Variants in MALL observed in about 807,000 individuals in gnomAD.
MALL encodes mal, T cell differentiation protein like.
Under a neutral mutation model 10.3 loss-of-function variants are expected in MALL, and 2 were observed. That is an observed-to-expected ratio of 0.19 (90% confidence interval 0.08 to 0.61). The LOEUF is 0.61. MALL is among the 20% of genes least tolerant of loss of function. The pLI is 0.88. For synonymous variants in MALL, 27 were observed against 51.8 expected, an observed-to-expected ratio of 0.52 and a Z score of 2.05; for missense variants, 39 against 115.2, an observed-to-expected ratio of 0.34 and a Z score of 3.03.
chr2:110,105,908 C>G (rs539160561), intron 1 of MALL, among the ~76,000 whole-genome samples: 2 of 152,128 alleles, frequency 1.3e-5, no homozygotes, highest in Admixed American at 6.5e-5. Context: ...AGAGTAGAAG[C>G]AGCAGCAGGT....
intron 1 of MALL, among the ~76,000 whole-genome samples, chr2:110,097,095 C>CAAAACAAA (rs1553477284): frequency 7.2e-6 from 1 of 139,682 alleles, no homozygotes; most frequent in African/African-American, 2.7e-5. Flanking sequence ...CAAAACAAAA[C>CAAAACAAA]AAAAAAAAAA....
chr2:110,107,322 C>T (rs1366599791), intron 1 of MALL, among the ~76,000 whole-genome samples: 1 of 151,762 alleles, frequency 6.6e-6, no homozygotes, highest in African/African-American at 2.4e-5. Context: ...TTGCCCTCCA[C>T]CTAGAAACAG....
chr2:110,100,405 C>T (rs906882748), intron 1 of MALL, among the ~76,000 whole-genome samples: 2 of 151,802 alleles, frequency 1.3e-5, no homozygotes, highest in East Asian at 3.9e-4. Flanking sequence ...CTCGGGAGTT[C>T]GAGGCTGCAG....
At chr2:110,104,608 C>T (rs1678647115) in intron 1 of MALL, among the ~76,000 whole-genome samples, 1 of 152,166 alleles carries the variant, frequency 6.6e-6, no homozygotes, top group Non-Finnish European at 1.5e-5. Flanking sequence ...CTAATCTGAA[C>T]AAGAAAATGC....
intron 1 of MALL, among the ~76,000 whole-genome samples, chr2:110,105,475 T>C (rs906411074): frequency 2.6e-5 from 4 of 152,126 alleles, no homozygotes; most frequent in African/African-American, 9.7e-5. Flanking sequence ...GGCTCCCATG[T>C]CCTGCAGGAG....
intron 1 of MALL, among the ~76,000 whole-genome samples, chr2:110,098,427 G>T (rs551864715): frequency 6.6e-6 from 1 of 151,876 alleles, no homozygotes; most frequent in African/African-American, 2.4e-5. Context: ...TCTACTTTCC[G>T]TCTACTCTGG....
chr2:110,097,452 G>T (rs1442300020), intron 1 of MALL: 2 of 456,258 alleles, frequency 4.4e-6, no homozygotes, highest in African/African-American at 4.0e-5. Context: ...AATTCTGAAT[G>T]GGAAGAGATA....
intron 1 of MALL, among the ~76,000 whole-genome samples, chr2:110,101,353 G>A (rs1408175672): frequency 6.6e-6 from 1 of 152,142 alleles, no homozygotes; most frequent in Non-Finnish European, 1.5e-5. Flanking sequence ...CTGAGTCACT[G>A]CGTCCTGACT....
intron 1 of MALL, among the ~76,000 whole-genome samples, chr2:110,108,781 C>A (rs531466045): frequency 2.0e-5 from 3 of 152,186 alleles, no homozygotes; most frequent in African/African-American, 7.2e-5. Context: ...CTCTTAAGAG[C>A]TGTGAGACAA....
intron 1 of MALL, among the ~76,000 whole-genome samples, chr2:110,098,039 C>T (rs577132323): frequency 2.6e-4 from 40 of 152,076 alleles, no homozygotes; most frequent in Middle Eastern, 3.4e-3. Context: ...CTGCAAAGGA[C>T]ACATGCGGGC....
upstream of MALL, among the ~76,000 whole-genome samples, chr2:110,117,892 C>T (rs1678955541): frequency 6.6e-6 from 1 of 152,082 alleles, no homozygotes; most frequent in South Asian, 2.1e-4. Flanking sequence ...CTTTCCCATT[C>T]CTCAGACCAG....
chr2:110,111,122 G>A (rs889781711), intron 1 of MALL, among the ~76,000 whole-genome samples: 3 of 152,066 alleles, frequency 2.0e-5, no homozygotes, highest in African/African-American at 7.2e-5. Flanking sequence ...ATACTGAATG[G>A]CGAAAAGTTG....
chr2:110,101,188 A>T (rs969916100), intron 1 of MALL, among the ~76,000 whole-genome samples: 11 of 152,240 alleles, frequency 7.2e-5, no homozygotes, highest in African/African-American at 2.6e-4. Context: ...CTTCGAATAC[A>T]GGAGGATGCT....
intron 1 of MALL, among the ~76,000 whole-genome samples, chr2:110,100,531 G>C (rs754494773): frequency 2.0e-5 from 3 of 151,944 alleles, no homozygotes; most frequent in African/African-American, 7.3e-5. Flanking sequence ...AGCGTTTTGT[G>C]TACAGGAAAG....
At chr2:110,102,974 G>A (rs1050233914) in intron 1 of MALL, among the ~76,000 whole-genome samples, 17 of 152,206 alleles carry the variant, frequency 1.1e-4, no homozygotes, top group Non-Finnish European at 2.9e-5. Flanking sequence ...AGTCCAGATG[G>A]GCAGTGTTGG....
chr2:110,109,864 C>G (rs1233314107), intron 1 of MALL, among the ~76,000 whole-genome samples: 2 of 152,110 alleles, frequency 1.3e-5, no homozygotes, highest in African/African-American at 4.8e-5. Context: ...GAAATTATAT[C>G]AAGCACTCTG....
chr2:110,102,221 T>C (rs1212079170), intron 1 of MALL, among the ~76,000 whole-genome samples: 1 of 152,156 alleles, frequency 6.6e-6, no homozygotes, highest in Non-Finnish European at 1.5e-5. Context: ...ATGGATTGCC[T>C]GCTTGGCTCT....
At chr2:110,106,851 G>A (rs372978859) in intron 1 of MALL, among the ~76,000 whole-genome samples, 3 of 152,122 alleles carry the variant, frequency 2.0e-5, no homozygotes, top group Non-Finnish European at 2.9e-5. Flanking sequence ...ACAAATGACG[G>A]CAAAGCCAGA....
At chr2:110,101,300 A>G (rs1276729015) in intron 1 of MALL, among the ~76,000 whole-genome samples, 2 of 152,166 alleles carry the variant, frequency 1.3e-5, no homozygotes, top group Non-Finnish European at 2.9e-5. Context: ...GCATTGCATG[A>G]AAGTTCCACA....
Sources: gnomAD v4.1 joint callset for allele counts (sites outside exome capture counted in the v4.1 genomes callset) on GRCh38, gnomAD v4.1.1 for gene constraint, MANE v1.5 for transcripts, NCBI Gene and HGNC (gene_info 2026-07-23, HGNC 2026-07-21) for gene names.